CES5A: variants seen among roughly 807,000 people sequenced by gnomAD.
The protein encoded by CES5A is carboxylesterase 5.
In CES5A, 67 loss-of-function variants were observed where a neutral mutation model predicts 62.9. The observed-to-expected ratio is 1.07, with a 90% CI of 0.88 to 1.31. The LOEUF is 1.31. CES5A is among the 50% of genes most tolerant of loss of function. CES5A has a pLI of 0.00. For synonymous variants in CES5A, 296 were observed against 280.8 expected (o/e 1.05, Z -0.54); for missense variants, 748 against 708.5 (o/e 1.06, Z -0.63).
intron 2 of CES5A, among the ~76,000 whole-genome samples, chr16:55,949,263 G>T (rs545303933): frequency 6.6e-6 from 1 of 152,298 alleles, no homozygotes; most frequent in Admixed American, 6.5e-5. Context: ...ACAGTGAGCT[G>T]CAATGCAGTG....
chr16:55,873,989 T>C lies in CES5A; in HGVS notation c.122A>G (p.Gln41Arg), dbSNP rs2033650056. 6.2e-7 allele frequency: 1 copy of C among 1,611,868 alleles called. No individual in the cohort carries two copies. The highest frequency in any genetic ancestry group is 8.5e-7 in the Non-Finnish European group (1 of 1,179,340). ...PQRNTRLGWI[Q>R]GKQVTVLGSP... ...TCCCAGCACAGTGACTTGCTTGCCC[T>C]GAATCCATCCCAGCCTGGTGTTCCT... The change falls in exon 2 of 13, where the codon CAG becomes CGG. Residue 41 changes from glutamine to arginine, a missense_variant. Gln to Arg is a conservative substitution (Grantham distance 43). Transcript: ENST00000290567.
intron 3 of CES5A, among the ~76,000 whole-genome samples, chr16:55,870,651 T>C (rs1247014653): frequency 1.3e-5 from 2 of 152,126 alleles, no homozygotes; most frequent in Non-Finnish European, 2.9e-5. Context: ...TGAGCCAAGT[T>C]TGCACAACTG....
At chr16:55,955,721 G>A in intron 1 of CES5A, 3 of 1,059,366 alleles carry the variant, frequency 2.8e-6, no homozygotes, top group Non-Finnish European at 4.1e-6. Flanking sequence ...GCCTACCGTG[G>A]GGGCTGACCC....
chr16:55,869,515 A>T, intron 4 of CES5A, 96 bp downstream of exon 4: 1 of 1,458,658 alleles, frequency 6.9e-7, no homozygotes, highest in Non-Finnish European at 9.1e-7. Context: ...ATTGTCCCGG[A>T]AGGCTCGCTC....
At chr16:55,846,982 C>T in intron 11 of CES5A, 142 bp from the exon 12 acceptor site, 1 of 733,240 alleles carries the variant, frequency 1.4e-6, no homozygotes, top group South Asian at 1.7e-5. Context: ...CCATTTTATA[C>T]ATGCAGATAC....
chr16:55,863,907 C>A (rs1170106879), intron 5 of CES5A, among the ~76,000 whole-genome samples: 1 of 151,968 alleles, frequency 6.6e-6, no homozygotes, highest in Non-Finnish European at 1.5e-5. Flanking sequence ...CAGGTGCGCA[C>A]CACCACGCCC....
intron 2 of CES5A, among the ~76,000 whole-genome samples, chr16:55,947,804 T>C (rs978390958): frequency 2.6e-5 from 4 of 151,294 alleles, no homozygotes; most frequent in African/African-American, 9.7e-5. Flanking sequence ...TGGACTGGAG[T>C]GAGCAAAGGG....
intron 1 of CES5A, among the ~76,000 whole-genome samples, chr16:55,901,580 G>A (rs1200883485): frequency 1.3e-5 from 2 of 152,148 alleles, no homozygotes; most frequent in Admixed American, 6.5e-5. Context: ...CTTACAAAAT[G>A]TATCCAATCC....
At position 55,871,743 on chromosome 16, in the gene CES5A, C is replaced by G. The variant is rs771828202; in HGVS notation, c.299G>C (p.Trp100Ser). 3.1e-6 allele frequency: 5 copies of G among 1,613,974 alleles called. No individual in the cohort carries two copies. In the South Asian group the frequency reaches 5.5e-5, roughly 18 times the overall value. ...GAGCATATGTTGATCTAAGAGCAGC[C>G]ACTCTGAGTTCTGGAGGCACCTTGG... ...YPNLCLQNSE[W>S]LLLDQHMLKV... is the part of the protein sequence containing the mutation. Residue 100 changes from tryptophan to serine, a missense_variant, in exon 3 of 13, where the codon TGG (tryptophan) becomes TCG (serine). Trp to Ser is a radical substitution (Grantham distance 177). Transcript: ENST00000290567.
intron 2 of CES5A, among the ~76,000 whole-genome samples, chr16:55,946,010 T>C (rs2034490990): frequency 6.6e-6 from 1 of 152,168 alleles, no homozygotes; most frequent in South Asian, 2.1e-4. Flanking sequence ...ACTTAGGCTC[T>C]TAAGGGAGGT....
At chr16:55,897,159 T>C (rs1160846232) in intron 1 of CES5A, among the ~76,000 whole-genome samples, 3 of 151,960 alleles carry the variant, frequency 2.0e-5, no homozygotes, top group African/African-American at 7.3e-5. Context: ...CTAAGTATTC[T>C]ACTTGTTACA....
chr16:55,939,438 A>T (rs1295598174), intron 2 of CES5A, among the ~76,000 whole-genome samples: 1 of 152,232 alleles, frequency 6.6e-6, no homozygotes, highest in Non-Finnish European at 1.5e-5. Flanking sequence ...AAATACTAAC[A>T]GGTAGATAGG....
chr16:55,852,271 T>G (rs1257493363), intron 10 of CES5A, among the ~76,000 whole-genome samples: 1 of 152,212 alleles, frequency 6.6e-6, no homozygotes, highest in Non-Finnish European at 1.5e-5. Flanking sequence ...TTTATAAATA[T>G]TTGTGAATTT....
chr16:55,909,749 C>A (rs1418588290), intron 1 of CES5A, among the ~76,000 whole-genome samples: 2 of 152,220 alleles, frequency 1.3e-5, no homozygotes, highest in African/African-American at 4.8e-5. Flanking sequence ...GTCCGCTGCA[C>A]TGGCTGCCTG....
chr16:55,949,362 C>T (rs1043204779), intron 2 of CES5A, among the ~76,000 whole-genome samples: 1 of 152,130 alleles, frequency 6.6e-6, no homozygotes, highest in Non-Finnish European at 1.5e-5. Flanking sequence ...GGCTGCTGGC[C>T]GCCAGGGGCA....
intron 2 of CES5A, among the ~76,000 whole-genome samples, chr16:55,942,751 T>C (rs2034458253): frequency 6.6e-6 from 1 of 152,150 alleles, no homozygotes; most frequent in African/African-American, 2.4e-5. Context: ...TTAATCATAA[T>C]ATCCAAAATT....
chr16:55,950,135 G>A (rs1423579184), intron 1 of CES5A, among the ~76,000 whole-genome samples: 1 of 152,056 alleles, frequency 6.6e-6, no homozygotes, highest in African/African-American at 2.4e-5. Flanking sequence ...CATCCCAATA[G>A]CACAAAGGAG....
At chr16:55,932,855 G>T (rs1384903914) in intron 2 of CES5A, among the ~76,000 whole-genome samples, 3 of 152,224 alleles carry the variant, frequency 2.0e-5, no homozygotes, top group Non-Finnish European at 4.4e-5. Flanking sequence ...CTCTGATCTG[G>T]CTGCTGCGTA....
chr16:55,906,039 G>A (rs1232929772), intron 1 of CES5A, among the ~76,000 whole-genome samples: 2 of 152,106 alleles, frequency 1.3e-5, no homozygotes, highest in Non-Finnish European at 2.9e-5. Flanking sequence ...CAAATCCACA[G>A]AGAGAGAAAG....
Sources: allele counts gnomAD v4.1 joint callset (sites outside exome capture counted in the v4.1 genomes callset), GRCh38; gene constraint gnomAD v4.1.1; transcripts MANE v1.5; gene names NCBI Gene and HGNC (gene_info 2026-07-23, HGNC 2026-07-21).